Variants in USH2A observed in about 807,000 individuals in gnomAD.
The protein encoded by USH2A is usherin, also known as Usher syndrome 2A (autosomal recessive, mild).
In USH2A, 443 loss-of-function variants were observed where a neutral mutation model predicts 538.9. The ratio of observed to expected loss-of-function variants is 0.82; its 90% confidence interval spans 0.76 to 0.89. USH2A has a LOEUF of 0.89. Ranked by LOEUF, USH2A falls within the 40% of genes least tolerant of loss-of-function variation. The pLI, the probability that USH2A is intolerant of heterozygous loss-of-function variation, is 0.00. For synonymous variants in USH2A, 2,413 were observed against 2,273.5 expected (o/e 1.06, Z -1.75); for missense variants, 6,633 against 6,324.8 (o/e 1.05, Z -1.65).
At chr1:216,346,585 G>C (rs978202231) in intron 4 of USH2A, among the ~76,000 whole-genome samples, 1 of 151,864 alleles carries the variant, frequency 6.6e-6, no homozygotes. Flanking sequence ...GCATGCTCTT[G>C]GTCACTTAGA....
chr1:215,637,448 G>T (rs1187589931), intron 69 of USH2A, among the ~76,000 whole-genome samples: 5 of 152,212 alleles, frequency 3.3e-5, no homozygotes, highest in Non-Finnish European at 5.9e-5. Context: ...GAAGTCAATA[G>T]AAAATCTGTG....
intron 21 of USH2A, among the ~76,000 whole-genome samples, chr1:216,170,737 T>C (rs2102636796): frequency 6.6e-6 from 1 of 152,254 alleles, no homozygotes; most frequent in South Asian, 2.1e-4. Flanking sequence ...TTTTACCAGG[T>C]TCCACTTGGA....
At chr1:216,279,075 A>C (rs2036722888) in intron 11 of USH2A, among the ~76,000 whole-genome samples, 1 of 151,968 alleles carries the variant, frequency 6.6e-6, no homozygotes, top group South Asian at 2.1e-4. Context: ...CTTTCTTATT[A>C]ATCTATTTTT....
chr1:216,137,026 T>C (rs991443518), intron 21 of USH2A, among the ~76,000 whole-genome samples: 1 of 152,178 alleles, frequency 6.6e-6, no homozygotes, highest in African/African-American at 2.4e-5. Context: ...ATTAGGATGA[T>C]TTTCCCATGT....
intron 38 of USH2A, 116 bp downstream of exon 38, chr1:215,934,500 A>G (rs1666440993): frequency 3.8e-6 from 4 of 1,050,806 alleles, no homozygotes; most frequent in Non-Finnish European, 5.5e-6. Flanking sequence ...CAGAAATACA[A>G]TTGAGCCTCT....
At chr1:215,981,967 T>A (rs1195466097) in intron 35 of USH2A, among the ~76,000 whole-genome samples, 1 of 152,238 alleles carries the variant, frequency 6.6e-6, no homozygotes, top group Admixed American at 6.5e-5. Context: ...GGCCAATTAT[T>A]TTGAAGTATC....
At chr1:216,322,882 C>T (rs1163605994) in intron 8 of USH2A, among the ~76,000 whole-genome samples, 1 of 151,906 alleles carries the variant, frequency 6.6e-6, no homozygotes, top group African/African-American at 2.4e-5. Context: ...CTATATTAGA[C>T]AGTATGCTGC....
chr1:216,422,105 A>T lies in USH2A; in HGVS notation c.232T>A (p.Phe78Ile). 1 of 1,613,840 alleles carries T rather than the reference A, an allele frequency of 6.2e-7. No homozygotes were observed. Among genetic ancestry groups the T allele is most frequent in the Non-Finnish European group, 8.5e-7 (1 of 1,179,900 alleles). Residue 78 changes from phenylalanine to isoleucine, a missense_variant, in exon 2 of 72, where the codon TTC (phenylalanine) becomes ATC (isoleucine). By Grantham distance (21) the Phe-to-Ile change is conservative (BLOSUM62 0). Coordinates refer to ENST00000307340, the MANE Select transcript of USH2A (RefSeq NM_206933.4). ...HSSAAAESIQ[F>I]CTQRFCIQDC... The stretch of plus-strand genomic sequence containing the variant: ...TGAATACAAAACCGCTGGGTACAGA[A>T]CTGAATACTTTCAGCAGCAGCAGAG...
chr1:216,175,335 G>C lies in USH2A; in HGVS notation c.4544C>G (p.Thr1515Arg). Reference sequence around the variant, plus strand: ...TATGAAACGGATTCCTTTCATCATCGTGGTCATCAGAGCTGGTAGAGATGA... The same window carrying C: ...TATGAAACGGATTCCTTTCATCATCCTGGTCATCAGAGCTGGTAGAGATGA... Reference protein sequence around the residue: ...RESSLPALMTTMMKGIRFIGN... With the variant: ...RESSLPALMTRMMKGIRFIGN... Residue 1515 changes from threonine to arginine, a missense_variant, in exon 21 of 72, where the codon ACG (threonine) becomes AGG (arginine). Coordinates refer to ENST00000307340, the MANE Select transcript of USH2A (RefSeq NM_206933.4). The C allele has an allele frequency of 6.2e-7, 1 of 1,613,754 alleles. No individual in the cohort carries two copies. The highest frequency in any genetic ancestry group is 8.5e-7 in the Non-Finnish European group (1 of 1,179,854).
intron 4 of USH2A, among the ~76,000 whole-genome samples, chr1:216,338,702 G>C (rs1195038298): frequency 6.6e-6 from 1 of 151,362 alleles, no homozygotes; most frequent in African/African-American, 2.4e-5. Flanking sequence ...TTACTGACAA[G>C]GAAATGCAAT....
intron 32 of USH2A, among the ~76,000 whole-genome samples, chr1:216,043,034 T>C (rs1310439035): frequency 6.6e-6 from 1 of 152,104 alleles, no homozygotes; most frequent in Non-Finnish European, 1.5e-5. Flanking sequence ...TCTATTAAAG[T>C]CACCCAGTTT....
At chr1:215,900,685 C>G (rs532484845) in intron 39 of USH2A, 70 bp downstream of exon 39, 1 of 1,604,772 alleles carries the variant, frequency 6.2e-7, no homozygotes, top group Admixed American at 1.7e-5. Flanking sequence ...GAGAACTGAC[C>G]TACTCTTCAA....
intron 61 of USH2A, 135 bp downstream of exon 61, chr1:215,727,895 G>T: frequency 9.3e-7 from 1 of 1,073,008 alleles, no homozygotes; most frequent in Non-Finnish European, 1.4e-6. Flanking sequence ...TGACTACATT[G>T]CAACTTTTCA....
intron 11 of USH2A, among the ~76,000 whole-genome samples, chr1:216,266,558 T>C (rs2036476839): frequency 6.6e-6 from 1 of 152,064 alleles, no homozygotes; most frequent in African/African-American, 2.4e-5. Flanking sequence ...TATTGAGTAA[T>C]ATAGTTCCAG....
chr1:216,338,491 T>G (rs546594611), intron 4 of USH2A, among the ~76,000 whole-genome samples: 1 of 151,600 alleles, frequency 6.6e-6, no homozygotes, highest in African/African-American at 2.4e-5. Context: ...ATATATATCA[T>G]GATAAAAGAG....
intron 44 of USH2A, among the ~76,000 whole-genome samples, chr1:215,854,541 A>G (rs926599554): frequency 2.6e-5 from 4 of 152,164 alleles, no homozygotes; most frequent in African/African-American, 9.7e-5. Flanking sequence ...GGATGCAGGC[A>G]CACAGTAAGT....
intron 21 of USH2A, among the ~76,000 whole-genome samples, chr1:216,149,503 A>G (rs1182981111): frequency 6.6e-6 from 1 of 152,138 alleles, no homozygotes; most frequent in Admixed American, 6.5e-5. Flanking sequence ...CTCCAACTTA[A>G]AAAGGATTGG....
At chr1:216,306,165 G>T (rs374718214) in intron 9 of USH2A, among the ~76,000 whole-genome samples, 7 of 151,842 alleles carry the variant, frequency 4.6e-5, no homozygotes, top group African/African-American at 1.7e-4. Context: ...AGATTTGGTC[G>T]TTTAACATAA....
At chr1:216,370,038 T>G (rs563473600) in intron 3 of USH2A, among the ~76,000 whole-genome samples, 1 of 151,974 alleles carries the variant, frequency 6.6e-6, no homozygotes. Flanking sequence ...ATTTTAAAGA[T>G]AATTAAAAAT....
Sources: gnomAD v4.1 joint callset for allele counts (sites outside exome capture counted in the v4.1 genomes callset) on GRCh38, gnomAD v4.1.1 for gene constraint, MANE v1.5 for transcripts, NCBI Gene and HGNC (gene_info 2026-07-23, HGNC 2026-07-21) for gene names.